The following NRXN3 variants were observed in gnomAD, a reference collection of about 807,000 sequenced individuals.
NRXN3 encodes the protein neurexin III.
In NRXN3, 32 loss-of-function variants were observed where a neutral mutation model predicts 137.6. The observed-to-expected ratio is 0.23, with a 90% CI of 0.18 to 0.31. The LOEUF (loss-of-function observed/expected upper bound fraction) is 0.31. Among genes scored for constraint, NRXN3 ranks in the 10% least tolerant of loss-of-function variants. The pLI is 1.00. For synonymous variants in NRXN3, 798 were observed against 784.5 expected, an observed-to-expected ratio of 1.02 and a Z score of -0.29; for missense variants, 1,574 against 2,062.5, an observed-to-expected ratio of 0.76 and a Z score of 4.59.
At chr14:79,242,699 T>C (rs2074499588) in intron 15 of NRXN3, among the ~76,000 whole-genome samples, 1 of 152,132 alleles carries the variant, frequency 6.6e-6, no homozygotes, top group East Asian at 1.9e-4. Flanking sequence ...CATTAGGAAG[T>C]GTGAGGCAGA....
chr14:79,794,467 G>T (rs537311192), intron 19 of NRXN3, among the ~76,000 whole-genome samples: 1 of 152,122 alleles, frequency 6.6e-6, no homozygotes, highest in Non-Finnish European at 1.5e-5. Flanking sequence ...TACTGTAAAT[G>T]GTTGGTTGAT....
intron 8 of NRXN3, among the ~76,000 whole-genome samples, chr14:78,725,358 T>C (rs1256579934): frequency 6.6e-6 from 1 of 152,262 alleles, no homozygotes; most frequent in Non-Finnish European, 1.5e-5. Context: ...TTTGTTTAGT[T>C]GAATTCTCCC....
chr14:78,211,844 C>T lies in NRXN3; in HGVS notation c.-703-30547C>T, dbSNP rs150572331. Reference sequence around the variant, plus strand: ...GGGCTATGCTGTTGTAGGGGTGGCCCGAAGGGGAATCACTGTTGTCTTCAT... The same window carrying T: ...GGGCTATGCTGTTGTAGGGGTGGCCTGAAGGGGAATCACTGTTGTCTTCAT... On this transcript the variant is annotated intron_variant, in intron 1 of 20. Transcript: ENST00000335750. 1.4e-3 allele frequency among the ~76,000 whole-genome samples: 215 copies of T among 152,276 alleles called. 1 individual carries two copies. Among genetic ancestry groups the T allele is most frequent in the Non-Finnish European group, 2.3e-3 (159 of 68,022 alleles).
chr14:78,530,355 A>G (rs1003024686), intron 4 of NRXN3, among the ~76,000 whole-genome samples: 5 of 152,174 alleles, frequency 3.3e-5, no homozygotes, highest in East Asian at 1.9e-4. Context: ...TGTGGTGAAA[A>G]TCACCCCCTT....
At chr14:79,433,464 A>G (rs1405063456) in intron 15 of NRXN3, among the ~76,000 whole-genome samples, 2 of 152,016 alleles carry the variant, frequency 1.3e-5, no homozygotes, top group African/African-American at 2.4e-5. Context: ...CATTCTCTCT[A>G]CCTTAGTGTG....
chr14:79,830,377 T>G (rs554093348), intron 20 of NRXN3, among the ~76,000 whole-genome samples: 29 of 152,176 alleles, frequency 1.9e-4, no homozygotes, highest in Non-Finnish European at 3.2e-4. Context: ...ACAAAATGCT[T>G]TTTCAATTTT....
chr14:78,610,550 C>A (rs1424308759), intron 4 of NRXN3, among the ~76,000 whole-genome samples: 1 of 152,206 alleles, frequency 6.6e-6, no homozygotes, highest in East Asian at 1.9e-4. Context: ...AATGGGGAAA[C>A]ACTCACTGGT....
intron 16 of NRXN3, among the ~76,000 whole-genome samples, chr14:79,536,296 C>T (rs1243351929): frequency 6.6e-6 from 1 of 152,114 alleles, no homozygotes; most frequent in African/African-American, 2.4e-5. Flanking sequence ...TACATCATTG[C>T]ACCTTGCAAA....
intron 4 of NRXN3, among the ~76,000 whole-genome samples, chr14:78,364,512 A>G (rs1169336807): frequency 6.6e-6 from 1 of 152,156 alleles, no homozygotes; most frequent in Non-Finnish European, 1.5e-5. Flanking sequence ...ATTTTTACCT[A>G]TTTTTATATG....
chr14:79,360,583 A>G (rs971516250), intron 15 of NRXN3, among the ~76,000 whole-genome samples: 72 of 152,258 alleles, frequency 4.7e-4, no homozygotes, highest in African/African-American at 1.7e-3. Context: ...AATGCTCAGT[A>G]ATAGCTCGTG....
intron 10 of NRXN3, among the ~76,000 whole-genome samples, chr14:78,897,865 A>G (rs1001597207): frequency 1.5e-4 from 23 of 151,956 alleles, no homozygotes; most frequent in Non-Finnish European, 2.8e-4. Context: ...TTGGCCTTCC[A>G]TGGATGGCAT....
At chr14:78,995,416 C>T (rs2099527951) in intron 15 of NRXN3, among the ~76,000 whole-genome samples, 1 of 152,060 alleles carries the variant, frequency 6.6e-6, no homozygotes, top group South Asian at 2.1e-4. Context: ...TGGACGAGAC[C>T]ACTAATGTGT....
chr14:78,545,906 C>G (rs958995886), intron 4 of NRXN3, among the ~76,000 whole-genome samples: 2 of 152,162 alleles, frequency 1.3e-5, no homozygotes, highest in African/African-American at 4.8e-5. Flanking sequence ...AGGCAGTGCT[C>G]TAATTCACTC....
At chr14:79,649,366 C>T (rs1484599135) in intron 16 of NRXN3, among the ~76,000 whole-genome samples, 1 of 152,126 alleles carries the variant, frequency 6.6e-6, no homozygotes, top group Non-Finnish European at 1.5e-5. Context: ...GGGATACCTA[C>T]AGCAGAAAGC....
Position 79,481,021 on chromosome 14 carries a change from C to T in NRXN3, c.3444+13619C>T, listed in dbSNP as rs188442466. On this transcript the variant is annotated intron_variant, in intron 16 of 20. Coordinates refer to ENST00000335750, the MANE Select transcript of NRXN3 (RefSeq NM_001330195.2). ...CAGAAAGGACTAATACACTTACTTT[C>T]GTGAAAACAACTTTTCTCTTAACCA... is the stretch of plus-strand genomic sequence containing the variant. 3.6e-3 allele frequency among the ~76,000 whole-genome samples: 547 copies of T among 152,194 alleles called. 1 individual carries two copies. The highest frequency in any genetic ancestry group is 6.0e-3 in the Non-Finnish European group (405 of 67,982).
At chr14:78,325,759 CCT>C (rs1276065952) in intron 4 of NRXN3, among the ~76,000 whole-genome samples, 2 of 152,206 alleles carry the variant, frequency 1.3e-5, no homozygotes, top group South Asian at 2.1e-4. Flanking sequence ...TCTCTCTGCC[CCT>C]GTTTCCATTT....
At chr14:79,184,172 C>T (rs1712561505) in intron 15 of NRXN3, among the ~76,000 whole-genome samples, 1 of 152,130 alleles carries the variant, frequency 6.6e-6, no homozygotes, top group Admixed American at 6.6e-5. Flanking sequence ...GCAATGTAAG[C>T]TCATTAATGA....
intron 16 of NRXN3, among the ~76,000 whole-genome samples, chr14:79,548,271 G>A (rs1021639047): frequency 6.6e-6 from 1 of 152,076 alleles, no homozygotes; most frequent in African/African-American, 2.4e-5. Flanking sequence ...TCCCACTTAT[G>A]AGTGAGAACA....
chr14:79,387,877 C>T (rs895768277), intron 15 of NRXN3, among the ~76,000 whole-genome samples: 1 of 145,862 alleles, frequency 6.9e-6, no homozygotes, highest in Non-Finnish European at 1.5e-5. Flanking sequence ...ACCGCATGTT[C>T]TCACTCATAG....
Sources: gnomAD v4.1 joint callset for allele counts (sites outside exome capture counted in the v4.1 genomes callset) on GRCh38, gnomAD v4.1.1 for gene constraint, MANE v1.5 for transcripts, NCBI Gene and HGNC (gene_info 2026-07-23, HGNC 2026-07-21) for gene names.